KCNK2: variants seen among roughly 807,000 people sequenced by gnomAD.
KCNK2 encodes the protein potassium channel subfamily K member 2.
A neutral mutation model predicts 40.5 loss-of-function variants in KCNK2; 21 were observed. The observed-to-expected ratio is 0.52, with a 90% CI of 0.37 to 0.75. KCNK2 has a LOEUF of 0.75. Ranked by LOEUF, KCNK2 falls within the 30% of genes least tolerant of loss-of-function variation. The pLI is 0.00. For missense variants in KCNK2, 399 were observed against 531.6 expected (o/e 0.75, Z 2.45); for synonymous variants, 191 against 202.2 (o/e 0.94, Z 0.47).
At chr1:215,202,149 A>G (rs1218724856) in intron 6 of KCNK2, among the ~76,000 whole-genome samples, 1 of 152,270 alleles carries the variant, frequency 6.6e-6, no homozygotes, top group Non-Finnish European at 1.5e-5. Context: ...CTCTTCTTTG[A>G]CCAAAGGATA....
At position 215,018,929 on chromosome 1, in the gene KCNK2, A is replaced by AG. The variant is rs1247966844; in HGVS notation, c.34+12975dup. On this transcript the variant is annotated intron_variant, in intron 1 of 6. Coordinates refer to the KCNK2 transcript ENST00000391895. The stretch of plus-strand genomic sequence containing the variant: ...GGAGAGCTCAGGGCCACTGCAGGTG[A>AG]GAGATGAAGCTGGCTAGACCTGACA... 5.9e-5 allele frequency among the ~76,000 whole-genome samples: 9 copies of AG among 152,100 alleles called. 1 individual carries two copies.
intron 6 of KCNK2, among the ~76,000 whole-genome samples, chr1:215,197,448 A>G (rs926327956): frequency 6.6e-6 from 1 of 152,096 alleles, no homozygotes; most frequent in Admixed American, 6.6e-5. Flanking sequence ...GTGTGCATGC[A>G]TGAGAGAGAG....
intron 1 of KCNK2, among the ~76,000 whole-genome samples, chr1:215,054,455 C>T (rs532829457): frequency 6.6e-6 from 1 of 152,296 alleles, no homozygotes; most frequent in East Asian, 1.9e-4. Context: ...ATAAAAGGTG[C>T]CACATTCTGT....
At chr1:215,143,628 G>A (rs1432875017) in intron 3 of KCNK2, among the ~76,000 whole-genome samples, 1 of 152,098 alleles carries the variant, frequency 6.6e-6, no homozygotes, top group Non-Finnish European at 1.5e-5. Context: ...CATGCAGCAG[G>A]CACATGCCAT....
chr1:215,134,474 T>C (rs1444034542), intron 3 of KCNK2, among the ~76,000 whole-genome samples: 21 of 151,918 alleles, frequency 1.4e-4, no homozygotes. Context: ...GGTGAGGAGG[T>C]TCCACAACCT....
At chr1:215,066,492 A>T (rs1308835558) in intron 1 of KCNK2, among the ~76,000 whole-genome samples, 2 of 152,166 alleles carry the variant, frequency 1.3e-5, no homozygotes, top group Non-Finnish European at 2.9e-5. Context: ...AAGAAATTTC[A>T]AAAGAGAATC....
chr1:215,088,122 TC>T, intron 2 of KCNK2, among the ~76,000 whole-genome samples: 1 of 151,970 alleles, frequency 6.6e-6, no homozygotes. Flanking sequence ...CCATGTAAGA[TC>T]ACTTTCACTT....
intron 5 of KCNK2, among the ~76,000 whole-genome samples, chr1:215,183,070 T>C (rs1664290770): frequency 6.6e-6 from 1 of 152,180 alleles, no homozygotes; most frequent in African/African-American, 2.4e-5. Flanking sequence ...TCCTACATGA[T>C]TCCAGTGAAT....
chr1:215,104,617 G>A (rs1002662133), intron 2 of KCNK2, among the ~76,000 whole-genome samples: 1 of 152,174 alleles, frequency 6.6e-6, no homozygotes, highest in African/African-American at 2.4e-5. Flanking sequence ...ATAAAAGCAG[G>A]TGGTGTCTTT....
At chr1:215,089,516 C>T (rs991428344) in intron 2 of KCNK2, among the ~76,000 whole-genome samples, 2 of 152,054 alleles carry the variant, frequency 1.3e-5, no homozygotes, top group African/African-American at 4.8e-5. Flanking sequence ...TGGACTATAG[C>T]AACTTGATTT....
At chr1:215,167,643 T>G (rs1369739060) in intron 3 of KCNK2, among the ~76,000 whole-genome samples, 2 of 152,162 alleles carry the variant, frequency 1.3e-5, no homozygotes, top group Non-Finnish European at 2.9e-5. Flanking sequence ...TTTTAGATAT[T>G]GCTTTTTGGT....
chr1:215,016,353 C>G (rs1265661937), intron 1 of KCNK2, among the ~76,000 whole-genome samples: 1 of 152,024 alleles, frequency 6.6e-6, no homozygotes, highest in Admixed American at 6.6e-5. Context: ...ATTTCAAAAT[C>G]TACTATAAAG....
intron 4 of KCNK2, 114 bp from the exon 5 acceptor site, chr1:215,171,883 T>C (rs1663723688): frequency 2.9e-6 from 2 of 687,456 alleles, no homozygotes; most frequent in Non-Finnish European, 4.6e-6. Context: ...TAGGTTAACT[T>C]TGTGGGTATA....
chr1:215,026,280 T>A (rs1262677909), intron 1 of KCNK2, among the ~76,000 whole-genome samples: 3 of 152,072 alleles, frequency 2.0e-5, no homozygotes, highest in Non-Finnish European at 4.4e-5. Context: ...ATTGCAAACA[T>A]GTTTCCTACA....
chr1:215,131,024 C>G (rs1271212725), intron 3 of KCNK2, among the ~76,000 whole-genome samples: 1 of 151,204 alleles, frequency 6.6e-6, no homozygotes. Context: ...CTGCGCCCGG[C>G]TAATTTTTTG....
rs557555919 is a variant in KCNK2, at chr1:215,083,202, C to G, written c.-184C>G. On this transcript the variant is annotated 5_prime_UTR_variant, in exon 1 of 7. Coordinates refer to ENST00000444842, the MANE Select transcript of KCNK2 (RefSeq NM_001017425.3). The stretch of plus-strand genomic sequence containing the variant: ...TTCGTTTCTTCTCACGCTCCCCCCC[C>G]CGCCCCCTCCCGCGTCCAGCCCCGC... 340 of 786,686 alleles carry G rather than the reference C, an allele frequency of 4.3e-4. 17 individuals are homozygous for G. Among genetic ancestry groups the G allele is most frequent in the Non-Finnish European group, 5.4e-4 (278 of 511,090 alleles). 48.7% of individuals were successfully genotyped at this position (786,686 alleles called of 1,614,324 possible). A position where few individuals can be genotyped will look rare whatever the true frequency, so the allele number is the denominator to read the frequency against.
intron 2 of KCNK2, among the ~76,000 whole-genome samples, chr1:215,088,385 GTATC>G (rs1382568713): frequency 6.6e-6 from 1 of 152,130 alleles, no homozygotes; most frequent in African/African-American, 2.4e-5. Flanking sequence ...TGAGGAAAGA[GTATC>G]TATCAAGTAG....
At chr1:215,088,479 T>G (rs1213447793) in intron 2 of KCNK2, among the ~76,000 whole-genome samples, 2 of 152,126 alleles carry the variant, frequency 1.3e-5, no homozygotes, top group Non-Finnish European at 2.9e-5. Flanking sequence ...CTGTGGTTAT[T>G]GTTTTCCTCT....
intron 1 of KCNK2, chr1:215,083,801 G>A: frequency 3.0e-6 from 1 of 335,058 alleles, no homozygotes; most frequent in Non-Finnish European, 5.6e-6. Context: ...CAGTGGTGCT[G>A]AAAAAAGCTT....
Sources: gnomAD v4.1 joint callset for allele counts (sites outside exome capture counted in the v4.1 genomes callset) on GRCh38, gnomAD v4.1.1 for gene constraint, MANE v1.5 for transcripts, NCBI Gene and HGNC (gene_info 2026-07-23, HGNC 2026-07-21) for gene names.